CCDC138: variants seen among roughly 807,000 people sequenced by gnomAD.
CCDC138 encodes coiled-coil domain containing 138.
CCDC138 carries 66 observed loss-of-function variants against 82.3 expected under a neutral mutation model. The ratio of observed to expected loss-of-function variants is 0.80; its 90% CI spans 0.66 to 0.98. The LOEUF (loss-of-function observed/expected upper bound fraction) is 0.98. Ranked by LOEUF, CCDC138 falls within the 50% of genes least tolerant of loss-of-function variation. CCDC138 has a pLI of 0.00. For synonymous variants in CCDC138, 297 were observed against 265.4 expected, an observed-to-expected ratio of 1.12 and a Z score of -1.16; for missense variants, 816 against 758.9, an observed-to-expected ratio of 1.08 and a Z score of -0.88.
chr2:108,797,516 T>C (rs1681107017), intron 5 of CCDC138, among the ~76,000 whole-genome samples: 1 of 151,870 alleles, frequency 6.6e-6, no homozygotes, highest in Non-Finnish European at 1.5e-5. Context: ...CAAATGTAGA[T>C]GGTTGTAAAG....
intron 11 of CCDC138, among the ~76,000 whole-genome samples, chr2:108,844,565 C>G (rs1690121294): frequency 6.6e-6 from 1 of 152,080 alleles, no homozygotes; most frequent in Admixed American, 6.6e-5. Flanking sequence ...TTTCTTCATT[C>G]AGTTTGAAAT....
chr2:108,863,436 ACAT>A, intron 13 of CCDC138, among the ~76,000 whole-genome samples: 1 of 152,312 alleles, frequency 6.6e-6, no homozygotes. Flanking sequence ...TTTTCAAAAA[ACAT>A]CAGAGAAGCC....
At chr2:108,811,247 C>CTCTCT (rs760937756) in intron 7 of CCDC138, among the ~76,000 whole-genome samples, 1 of 113,940 alleles carries the variant, frequency 8.8e-6, no homozygotes, top group African/African-American at 3.8e-5. Context: ...TTCTCTCTCT[C>CTCTCT]TTTTTTTTTT....
chr2:108,805,150 C>A, intron 7 of CCDC138, 142 bp downstream of exon 7: 1 of 406,754 alleles, frequency 2.5e-6, no homozygotes, highest in South Asian at 1.2e-4. Flanking sequence ...TAAAATACTT[C>A]CAAATGTAAA....
intron 11 of CCDC138, among the ~76,000 whole-genome samples, chr2:108,841,405 C>T (rs1574166529): frequency 1.3e-5 from 2 of 151,848 alleles, no homozygotes; most frequent in African/African-American, 2.4e-5. Context: ...TTATAACCTT[C>T]ATCTGTTTTG....
chr2:108,812,365 A>G (rs1265546792), intron 7 of CCDC138, among the ~76,000 whole-genome samples: 2 of 152,166 alleles, frequency 1.3e-5, no homozygotes, highest in African/African-American at 2.4e-5. Flanking sequence ...TAATAAAAAC[A>G]TTTTCACTAA....
Position 108,812,671 on chromosome 2 carries a change from A to T in CCDC138, c.896A>T (p.Gln299Leu), listed in dbSNP as rs1049800606. Reference protein sequence around the residue: ...ASEENRKIDIQAKRVQARLDN... With the variant: ...ASEENRKIDILAKRVQARLDN... Reference sequence around the variant, plus strand: ...GAAGAAAACAGGAAGATAGACATTCAGGCTAAAAGAGTTCAAGCTCGTTTA... The same window carrying T: ...GAAGAAAACAGGAAGATAGACATTCTGGCTAAAAGAGTTCAAGCTCGTTTA... The change falls in exon 8 of 15, where the codon CAG (glutamine) becomes CTG (leucine). Residue 299 changes from glutamine to leucine, a missense_variant. Gln to Leu is a moderately radical substitution (Grantham distance 113). Transcript: ENST00000295124. The T allele has an allele frequency of 1.2e-5, 20 of 1,612,666 alleles. No homozygotes were observed. The highest frequency in any genetic ancestry group is 1.7e-5 in the Non-Finnish European group (20 of 1,178,838).
intron 13 of CCDC138, among the ~76,000 whole-genome samples, chr2:108,860,912 C>T (rs1693465875): frequency 7.6e-6 from 1 of 131,802 alleles, no homozygotes; most frequent in Non-Finnish European, 1.6e-5. Flanking sequence ...TAGAATTTGG[C>T]TGTGAATCCA....
intron 5 of CCDC138, 88 bp downstream of exon 5, chr2:108,794,809 T>C: frequency 1.0e-6 from 1 of 994,682 alleles, no homozygotes. Flanking sequence ...ATATATTTCA[T>C]TTTAATTACT....
intron 5 of CCDC138, among the ~76,000 whole-genome samples, chr2:108,795,862 A>T (rs1285513234): frequency 6.6e-6 from 1 of 152,210 alleles, no homozygotes; most frequent in Non-Finnish European, 1.5e-5. Context: ...CAAGTTTTTA[A>T]GCAAAGGAAT....
At chr2:108,875,465 T>C (rs1363603173) in intron 14 of CCDC138, among the ~76,000 whole-genome samples, 3 of 152,070 alleles carry the variant, frequency 2.0e-5, no homozygotes, top group Non-Finnish European at 4.4e-5. Flanking sequence ...GCCTGCTTAC[T>C]CAAAATAGGA....
At chr2:108,819,881 T>A (rs1387791483) in intron 10 of CCDC138, among the ~76,000 whole-genome samples, 1 of 152,106 alleles carries the variant, frequency 6.6e-6, no homozygotes, top group African/African-American at 2.4e-5. Flanking sequence ...CTTTGTGATA[T>A]ATGATTTAAA....
At chr2:108,866,838 A>G (rs1309706976) in intron 13 of CCDC138, among the ~76,000 whole-genome samples, 3 of 152,038 alleles carry the variant, frequency 2.0e-5, no homozygotes, top group Admixed American at 6.6e-5. Flanking sequence ...AGCCGAGATC[A>G]CGCCACGGCA....
At chr2:108,836,942 TC>T (rs1558703074) in intron 10 of CCDC138, among the ~76,000 whole-genome samples, 1 of 152,148 alleles carries the variant, frequency 6.6e-6, no homozygotes, top group African/African-American at 2.4e-5. Flanking sequence ...ATTTATGTAT[TC>T]TTTTTTTTTT....
chr2:108,846,090 C>G (rs1355022488), intron 11 of CCDC138, among the ~76,000 whole-genome samples: 1 of 152,082 alleles, frequency 6.6e-6, no homozygotes, highest in Non-Finnish European at 1.5e-5. Context: ...GACTGAGGCT[C>G]TAGATAATCA....
chr2:108,831,728 C>CCTTCCTT (rs1687692943), intron 10 of CCDC138, among the ~76,000 whole-genome samples: 1 of 151,866 alleles, frequency 6.6e-6, no homozygotes. Flanking sequence ...TTCCTTCCTT[C>CCTTCCTT]CTTCCTTCCG....
chr2:108,796,546 C>A (rs1027062683), intron 5 of CCDC138, among the ~76,000 whole-genome samples: 2 of 152,174 alleles, frequency 1.3e-5, no homozygotes, highest in African/African-American at 4.8e-5. Flanking sequence ...CATTGCAGCT[C>A]TGTTCATAAT....
chr2:108,827,907 C>T (rs940544468), intron 10 of CCDC138, among the ~76,000 whole-genome samples: 4 of 151,712 alleles, frequency 2.6e-5, no homozygotes, highest in African/African-American at 9.7e-5. Context: ...AGATTCCATT[C>T]CCATTCCCAT....
intron 4 of CCDC138, among the ~76,000 whole-genome samples, chr2:108,792,308 T>C (rs1323799530): frequency 6.6e-6 from 1 of 152,222 alleles, no homozygotes; most frequent in Non-Finnish European, 1.5e-5. Flanking sequence ...TTTTCCTCTT[T>C]TCCCTCTCCT....
Sources: allele counts gnomAD v4.1 joint callset (sites outside exome capture counted in the v4.1 genomes callset), GRCh38; gene constraint gnomAD v4.1.1; transcripts MANE v1.5; gene names NCBI Gene and HGNC (gene_info 2026-07-23, HGNC 2026-07-21).